IQCM: variants seen among roughly 807,000 people sequenced by gnomAD.
IQCM encodes IQ motif containing M.
IQCM carries 45 observed loss-of-function variants against 57.6 expected under a neutral mutation model. The observed-to-expected ratio is 0.78, with a 90% CI of 0.62 to 1.00. The LOEUF is 1.00. Ranked by LOEUF, IQCM falls within the 50% of genes least tolerant of loss-of-function variation. The pLI, the probability that IQCM is intolerant of heterozygous loss-of-function variation, is 0.00. For synonymous variants in IQCM, 148 were observed against 158.9 expected (o/e 0.93, Z 0.51); for missense variants, 468 against 511.6 (o/e 0.91, Z 0.82).
chr4:149,802,623 A>G (rs1038789211), intron 2 of IQCM, among the ~76,000 whole-genome samples: 4 of 151,986 alleles, frequency 2.6e-5, no homozygotes, highest in African/African-American at 7.2e-5. Context: ...AAGCTTTCCT[A>G]ACTTTGGCTC....
chr4:149,392,458 G>T (rs1438295528), intron 13 of IQCM, among the ~76,000 whole-genome samples: 1 of 151,948 alleles, frequency 6.6e-6, no homozygotes, highest in Non-Finnish European at 1.5e-5. Flanking sequence ...TAGAAGAATG[G>T]ACTAGATTAA....
intron 9 of IQCM, among the ~76,000 whole-genome samples, chr4:149,578,418 C>T (rs959576219): frequency 2.6e-5 from 4 of 151,664 alleles, no homozygotes; most frequent in Non-Finnish European, 1.5e-5. Flanking sequence ...ATGCCAAAGG[C>T]GTGATGAGGG....
intron 2 of IQCM, among the ~76,000 whole-genome samples, chr4:149,781,155 G>A (rs904379856): frequency 2.0e-5 from 3 of 152,164 alleles, no homozygotes; most frequent in Non-Finnish European, 4.4e-5. Context: ...TAAGGATGAT[G>A]AAGTTGTAGC....
chr4:149,579,281 T>C (rs1471289866), intron 9 of IQCM, among the ~76,000 whole-genome samples: 1 of 151,814 alleles, frequency 6.6e-6, no homozygotes, highest in African/African-American at 2.4e-5. Flanking sequence ...CCCATGCTTA[T>C]GAGTGAGGAA....
intron 7 of IQCM, among the ~76,000 whole-genome samples, chr4:149,675,129 T>C (rs1439643809): frequency 2.0e-5 from 3 of 152,042 alleles, no homozygotes; most frequent in East Asian, 1.9e-4. Context: ...GTGAATGGAT[T>C]AAAATATGAT....
intron 12 of IQCM, among the ~76,000 whole-genome samples, chr4:149,537,036 G>T (rs1747365448): frequency 6.6e-6 from 1 of 151,884 alleles, no homozygotes; most frequent in Non-Finnish European, 1.5e-5. Flanking sequence ...AATTTCCAGT[G>T]CTCAACAATA....
chr4:149,460,092 G>A (rs1044421251), intron 12 of IQCM, among the ~76,000 whole-genome samples: 3 of 152,076 alleles, frequency 2.0e-5, no homozygotes, highest in African/African-American at 7.2e-5. Flanking sequence ...TGTCTCCTGT[G>A]TTTTTTGGAT....
At chr4:149,772,042 G>T (rs1203495412) in intron 2 of IQCM, among the ~76,000 whole-genome samples, 1 of 152,084 alleles carries the variant, frequency 6.6e-6, no homozygotes, top group Non-Finnish European at 1.5e-5. Flanking sequence ...CAACAACATG[G>T]TCACCTTGCC....
At chr4:149,493,629 G>T (rs1742332743) in intron 12 of IQCM, among the ~76,000 whole-genome samples, 1 of 152,062 alleles carries the variant, frequency 6.6e-6, no homozygotes, top group Admixed American at 6.6e-5. Context: ...GGAAGAGAAG[G>T]AGGGGGATTC....
At chr4:149,515,753 G>A (rs530222275) in intron 12 of IQCM, among the ~76,000 whole-genome samples, 38 of 152,252 alleles carry the variant, frequency 2.5e-4, no homozygotes, top group African/African-American at 7.9e-4. Flanking sequence ...ACTGATTCAC[G>A]GGCTGTAGCC....
intron 7 of IQCM, among the ~76,000 whole-genome samples, chr4:149,667,019 C>T (rs1374717648): frequency 6.6e-6 from 1 of 152,146 alleles, no homozygotes; most frequent in Non-Finnish European, 1.5e-5. Context: ...ACTTAAACGT[C>T]CCTGCCTGCC....
At chr4:149,553,998 T>C (rs1458021964) in intron 10 of IQCM, among the ~76,000 whole-genome samples, 4 of 152,188 alleles carry the variant, frequency 2.6e-5, no homozygotes, top group African/African-American at 9.6e-5. Context: ...TTTTACATTT[T>C]CTGGCTTATT....
rs1418596016 is a variant in IQCM, at chr4:149,469,679, A to C, written c.1229-36122T>G. On this transcript the variant is annotated intron_variant, in intron 12 of 13. Coordinates refer to ENST00000636793, the MANE Select transcript of IQCM (RefSeq NM_001363507.2). ...TCCAAGACACATAATTGTCAGATTC[A>C]CCAAAGTTGAAATGAAGGAAAAAAT... 3.3e-5 allele frequency among the ~76,000 whole-genome samples: 5 copies of C among 152,200 alleles called. No homozygotes were observed. The East Asian group carries it at 9.6e-4, about 29-fold the overall frequency.
rs189122159 is a variant in IQCM at position 149,448,992 on chromosome 4, A to G, written c.1229-15435T>C. 3.4e-3 allele frequency among the ~76,000 whole-genome samples: 515 copies of G among 151,940 alleles called. 1 individual carries two copies. The highest frequency in any genetic ancestry group is 5.1e-3 in the Non-Finnish European group (348 of 67,894). The stretch of plus-strand genomic sequence containing the variant: ...CATTATATGAGTCAAAATATTTCCA[A>G]TATAAAAACAAGGCAAATATATTCC... On this transcript the variant is annotated intron_variant, in intron 12 of 13. Transcript: ENST00000636793.
At chr4:149,636,910 G>C (rs1057237776) in intron 7 of IQCM, among the ~76,000 whole-genome samples, 1 of 151,804 alleles carries the variant, frequency 6.6e-6, no homozygotes, top group South Asian at 2.1e-4. Flanking sequence ...TTGGGAGGCC[G>C]AGGCGGGTGG....
At chr4:149,680,089 GAAAAT>G (rs1762070402) in intron 7 of IQCM, among the ~76,000 whole-genome samples, 1 of 151,142 alleles carries the variant, frequency 6.6e-6, no homozygotes, top group South Asian at 2.1e-4. Flanking sequence ...TGTTGTGGCT[GAAAAT>G]AAAATAAAAA....
chr4:149,755,498 T>C (rs1350552734), intron 2 of IQCM, among the ~76,000 whole-genome samples: 2 of 152,128 alleles, frequency 1.3e-5, no homozygotes, highest in Admixed American at 6.5e-5. Flanking sequence ...CCTGAAATGT[T>C]CTTTTGTCAG....
intron 2 of IQCM, among the ~76,000 whole-genome samples, chr4:149,744,585 T>C (rs1407457880): frequency 6.6e-6 from 1 of 152,012 alleles, no homozygotes; most frequent in Non-Finnish European, 1.5e-5. Flanking sequence ...CATGGTAATG[T>C]CCCTGCAAAC....
intron 12 of IQCM, among the ~76,000 whole-genome samples, chr4:149,527,363 G>A (rs2149842660): frequency 6.6e-6 from 1 of 152,274 alleles, no homozygotes; most frequent in East Asian, 1.9e-4. Flanking sequence ...CAATGTGATA[G>A]TATTAGCAGG....
Sources: allele counts gnomAD v4.1 joint callset (sites outside exome capture counted in the v4.1 genomes callset), GRCh38; gene constraint gnomAD v4.1.1; transcripts MANE v1.5; gene names NCBI Gene and HGNC (gene_info 2026-07-23, HGNC 2026-07-21).